DDX6: variants seen among roughly 807,000 people sequenced by gnomAD.
DDX6 encodes DEAD-box helicase 6, also known as probable ATP-dependent RNA helicase DDX6.
In DDX6, 7 loss-of-function variants were observed where a neutral mutation model predicts 60.6. The observed-to-expected ratio is 0.12, with a 90% CI of 0.07 to 0.22. DDX6 has a LOEUF of 0.22. Ranked by LOEUF, DDX6 falls within the 10% of genes least tolerant of loss-of-function variation. DDX6 has a pLI of 1.00. For missense variants in DDX6, 270 were observed against 589.9 expected (o/e 0.46, Z 5.62); for synonymous variants, 207 against 201.0 (o/e 1.03, Z -0.25).
intron 4 of DDX6, among the ~76,000 whole-genome samples, chr11:118,769,635 A>T: frequency 6.6e-6 from 1 of 152,076 alleles, no homozygotes; most frequent in East Asian, 1.9e-4. Context: ...ACAAACAACA[A>T]CAACAAACTA....
intron 1 of DDX6, chr11:118,789,262 G>C (rs983390082): frequency 6.6e-6 from 1 of 151,872 alleles, no homozygotes; most frequent in Non-Finnish European, 1.5e-5. Context: ...ATTTTTAGTA[G>C]AGACGGGGTT....
At chr11:118,762,284 A>AAAAT (rs1555160397) in intron 7 of DDX6, among the ~76,000 whole-genome samples, 13 of 149,500 alleles carry the variant, frequency 8.7e-5, no homozygotes, top group East Asian at 2.0e-4. Flanking sequence ...AAAAAAAAAA[A>AAAAT]AATAATAATA....
intron 4 of DDX6, among the ~76,000 whole-genome samples, chr11:118,776,000 A>C (rs1009673899): frequency 3.3e-5 from 5 of 152,040 alleles, no homozygotes; most frequent in African/African-American, 9.7e-5. Flanking sequence ...AACAAAAAAC[A>C]ACCAGGTGTG....
intron 2 of DDX6, among the ~76,000 whole-genome samples, chr11:118,783,459 G>A (rs1471545278): frequency 6.6e-6 from 1 of 152,168 alleles, no homozygotes; most frequent in Non-Finnish European, 1.5e-5. Flanking sequence ...AAAGTGATGG[G>A]ATGAACGGCA....
chr11:118,783,521 G>T (rs1861971478), intron 2 of DDX6, among the ~76,000 whole-genome samples: 1 of 152,140 alleles, frequency 6.6e-6, no homozygotes. Flanking sequence ...TATTCTCATA[G>T]GCCAGGTGCA....
intron 4 of DDX6, among the ~76,000 whole-genome samples, chr11:118,769,876 T>C (rs1395683064): frequency 2.0e-5 from 3 of 151,890 alleles, no homozygotes; most frequent in Non-Finnish European, 4.4e-5. Flanking sequence ...GGCTAATTTT[T>C]TTTTTGTATT....
chr11:118,778,772 G>A (rs1193657412), intron 4 of DDX6, among the ~76,000 whole-genome samples: 3 of 152,108 alleles, frequency 2.0e-5, no homozygotes, highest in Admixed American at 2.0e-4. Flanking sequence ...CTTCAAACAT[G>A]ATACCCTGAG....
At chr11:118,763,513 T>C (rs201551052) in intron 6 of DDX6, among the ~76,000 whole-genome samples, 2 of 442 alleles carry the variant, frequency 4.5e-3, no homozygotes, top group Non-Finnish European at 8.5e-3. Flanking sequence ...ACCACAACAT[T>C]GTATGCAGCA....
chr11:118,763,244 C>T lies in DDX6; in HGVS notation c.709G>A (p.Val237Ile), dbSNP rs782296728. Reference sequence around the variant, plus strand: ...AATACTATCATCTGGACATGATCAACCTTTGCTACTCCTTTCTTAATAAGA... The same window carrying T: ...AATACTATCATCTGGACATGATCAATCTTTGCTACTCCTTTCTTAATAAGA... ...LDLIKKGVAK[V>I]DHVQMIVLDE... The change falls in exon 7 of 14, where the codon GTT becomes ATT. Residue 237 changes from valine (V) to isoleucine (I), a missense_variant. Physicochemically the swap from Val to Ile is conservative, Grantham distance 29. This residue lies in a region of DDX6 where 15 missense variants were observed against 16.4 expected (regional missense o/e 0.92). Coordinates refer to ENST00000534980, the MANE Select transcript of DDX6 (RefSeq NM_004397.6). 3.1e-6 allele frequency: 5 copies of T among 1,611,592 alleles called. No homozygotes were observed. The South Asian group carries it at 3.3e-5, about 11-fold the overall frequency.
intron 6 of DDX6, among the ~76,000 whole-genome samples, chr11:118,763,546 C>A (rs1861245732): frequency 6.6e-6 from 1 of 151,932 alleles, no homozygotes; most frequent in Non-Finnish European, 1.5e-5. Context: ...TTATTAGAAA[C>A]AACTAGGCCG....
intron 4 of DDX6, among the ~76,000 whole-genome samples, chr11:118,778,159 A>G (rs139590208): frequency 7.8e-4 from 119 of 152,310 alleles, no homozygotes; most frequent in Non-Finnish European, 1.5e-3. Context: ...GAAAGTCATC[A>G]TAACCCATCA....
chr11:118,758,926 T>G, intron 8 of DDX6, 24 bp from the exon 9 acceptor site: 1 of 1,612,732 alleles, frequency 6.2e-7, no homozygotes, highest in Non-Finnish European at 8.5e-7. Context: ...GGGAAAAAGA[T>G]GAGTCGTCGT....
intron 2 of DDX6, among the ~76,000 whole-genome samples, chr11:118,782,167 C>A (rs1370673541): frequency 6.6e-6 from 1 of 152,204 alleles, no homozygotes; most frequent in Non-Finnish European, 1.5e-5. Context: ...CAGAGCAAGG[C>A]TCCGTTCCAA....
chr11:118,765,672 G>C (rs538724629), intron 5 of DDX6, among the ~76,000 whole-genome samples: 1 of 152,294 alleles, frequency 6.6e-6, no homozygotes, highest in South Asian at 2.1e-4. Flanking sequence ...CTACTCAGGA[G>C]GCTGAGGCAG....
chr11:118,754,711 G>A lies in DDX6; in HGVS notation c.*1C>T, dbSNP rs781846171. 2 of 1,604,658 alleles carry A rather than the reference G, an allele frequency of 1.2e-6. No individual in the cohort carries two copies. Among genetic ancestry groups the A allele is most frequent in the South Asian group, 1.1e-5 (1 of 88,772 alleles). Reference sequence around the variant, plus strand: ...TGTTCTGTCAGGGACGTACATGCTTGTTAAGGTTTCTCATCTTCTACAGGC... The same window carrying A: ...TGTTCTGTCAGGGACGTACATGCTTATTAAGGTTTCTCATCTTCTACAGGC... On this transcript the variant is annotated 3_prime_UTR_variant, in exon 13 of 14. Coordinates refer to ENST00000534980, the MANE Select transcript of DDX6 (RefSeq NM_004397.6).
In DDX6 at chr11:118,756,113, A is replaced by C. The variant is rs1014272489; in HGVS notation, c.1174+147T>G. ...TGGAACCCAGTATCAGGAGCTGACA[A>C]GAGTTCATTTTCAACTTCAGAAATC... On this transcript the variant is annotated intron_variant, in intron 11 of 13. Transcript: ENST00000534980. 4.6e-5 allele frequency: 27 copies of C among 587,428 alleles called. No individual in the cohort carries two copies. The Middle Eastern group carries it at 1.5e-3, about 33-fold the overall frequency. The allele number at this position is 587,428 out of a possible 1,614,324, so 36.4% of individuals were successfully genotyped here. A position where few individuals can be genotyped will look rare whatever the true frequency, so the allele number is the denominator to read the frequency against.
At chr11:118,788,331 A>G (rs1862149082) in intron 1 of DDX6, 1 of 152,546 alleles carries the variant, frequency 6.6e-6, no homozygotes, top group Non-Finnish European at 1.5e-5. Context: ...ACAAACAAAC[A>G]AAACCCACAA....
chr11:118,780,049 G>A (rs1202066065), intron 3 of DDX6, among the ~76,000 whole-genome samples: 1 of 141,608 alleles, frequency 7.1e-6, no homozygotes, highest in Non-Finnish European at 1.5e-5. Context: ...CCAGGAGACG[G>A]AGGTTGCAGT....
intron 3 of DDX6, 90 bp from the exon 4 acceptor site, chr11:118,779,826 T>C: frequency 1.0e-6 from 1 of 977,978 alleles, no homozygotes; most frequent in Non-Finnish European, 1.5e-6. Flanking sequence ...TTTAAGAAAA[T>C]TTATCTGGGC....
Sources: allele counts gnomAD v4.1 joint callset (sites outside exome capture counted in the v4.1 genomes callset), GRCh38; gene constraint gnomAD v4.1.1; regional missense constraint gnomAD v4.1.1; transcripts MANE v1.5; gene names NCBI Gene and HGNC (gene_info 2026-07-23, HGNC 2026-07-21).